Variants in PCDHAC1 observed in about 807,000 individuals in gnomAD.
PCDHAC1 encodes the protein protocadherin alpha subfamily C, 1, also known as protocadherin alpha-C1.
Under a neutral mutation model 60.0 loss-of-function variants are expected in PCDHAC1, and 42 were observed. The observed-to-expected ratio is 0.70, with a 90% CI of 0.55 to 0.90. The LOEUF (loss-of-function observed/expected upper bound fraction) is 0.90, where lower values mean the gene tolerates loss of function less well. Ranked by LOEUF, PCDHAC1 falls within the 40% of genes least tolerant of loss-of-function variation. The pLI is 0.00. For missense variants in PCDHAC1, 1,160 were observed against 1,222.3 expected, an observed-to-expected ratio of 0.95 and a Z score of 0.76; for synonymous variants, 468 against 499.3, an observed-to-expected ratio of 0.94 and a Z score of 0.84.
intron 3 of PCDHAC1, among the ~76,000 whole-genome samples, chr5:140,994,308 C>T (rs1402344988): frequency 6.6e-6 from 1 of 152,086 alleles, no homozygotes; most frequent in African/African-American, 2.4e-5. Flanking sequence ...TTTCACAGGG[C>T]CCAAACACTC....
chr5:140,968,652 ACCTGGACCT>A lies in PCDHAC1; in HGVS notation c.2434-10295_2434-10287del, dbSNP rs1332508740. The A allele has an allele frequency of 1.9e-6, 3 of 1,614,000 alleles. No homozygotes were observed. In the African/African-American group the frequency reaches 4.0e-5, roughly 22 times the overall value. On this transcript the variant is annotated intron_variant, in intron 1 of 3. Transcript: ENST00000253807. ...TTTTACCATCTAGCCCAGACTTCTGACCTGGACCTCTTTAAGGTAGAGCTGCACACAGGA... is the reference window on the plus strand; with the variant it reads ...TTTTACCATCTAGCCCAGACTTCTGACTTTAAGGTAGAGCTGCACACAGGA...
intron 1 of PCDHAC1, among the ~76,000 whole-genome samples, chr5:140,938,765 A>G (rs1554212377): frequency 6.6e-6 from 1 of 152,182 alleles, no homozygotes; most frequent in Non-Finnish European, 1.5e-5. Context: ...GTTATTGGGT[A>G]CTAGACTTAG....
Position 140,928,132 on chromosome 5 carries a change from C to T in PCDHAC1, c.1240C>T (p.Leu414=), listed in dbSNP as rs1563101702. ...DREQISEYQV[L]ITASDSGSPP... ...GGAGCAGATCAGTGAATACCAAGTC[C>T]TGATCACGGCCTCAGATAGTGGCTC... The change falls in exon 1 of 4, where the codon CTG becomes TTG. Residue 414 remains leucine (L), a synonymous_variant. Coordinates refer to ENST00000253807, the MANE Select transcript of PCDHAC1 (RefSeq NM_018898.5). The T allele has an allele frequency of 6.2e-7, 1 of 1,614,100 alleles. No individual in the cohort carries two copies. The highest frequency in any genetic ancestry group is 8.5e-7 in the Non-Finnish European group (1 of 1,180,046).
At chr5:140,940,285 T>C (rs2092587239) in intron 1 of PCDHAC1, among the ~76,000 whole-genome samples, 3 of 152,222 alleles carry the variant, frequency 2.0e-5, no homozygotes, top group Admixed American at 6.5e-5. Context: ...CTCATTGTGC[T>C]GCTTCATCAG....
intron 1 of PCDHAC1, chr5:140,968,491 T>C: frequency 6.2e-7 from 1 of 1,614,130 alleles, no homozygotes; most frequent in Non-Finnish European, 8.5e-7. Flanking sequence ...TGAATGACCA[T>C]GCCCCTCACA....
chr5:141,009,772 C>T lies in PCDHAC1; in HGVS notation c.2727C>T (p.Ile909=). The T allele has an allele frequency of 1.9e-6, 3 of 1,614,158 alleles. No individual in the cohort carries two copies. Among genetic ancestry groups the T allele is most frequent in the Non-Finnish European group, 2.5e-6 (3 of 1,180,032 alleles). The stretch of plus-strand genomic sequence containing the variant: ...TCATTATCCCAGGATCTCCTGCAAT[C>T]ATCTCCATCCGGCAGGAGCCTACTA... ...DKFIIPGSPA[I]ISIRQEPTNS... Residue 909 remains isoleucine (I), a synonymous_variant, in exon 4 of 4, where the codon ATC becomes ATT. Coordinates refer to ENST00000253807, the MANE Select transcript of PCDHAC1 (RefSeq NM_018898.5).
intron 3 of PCDHAC1, among the ~76,000 whole-genome samples, chr5:140,994,595 C>CT (rs1554254262): frequency 6.6e-6 from 1 of 151,984 alleles, no homozygotes; most frequent in East Asian, 1.9e-4. Context: ...GTCTCAGCTA[C>CT]TTGGGAGGCT....
At chr5:140,929,768 C>T (rs534287991) in intron 1 of PCDHAC1, 1 of 175,482 alleles carries the variant, frequency 5.7e-6, no homozygotes, top group South Asian at 2.0e-4. Context: ...ACGATAACCA[C>T]AAAAGATGTA....
chr5:140,934,534 GTTCTAA>G (rs1488792046), intron 1 of PCDHAC1, among the ~76,000 whole-genome samples: 7 of 152,064 alleles, frequency 4.6e-5, no homozygotes, highest in Non-Finnish European at 7.4e-5. Flanking sequence ...GAGAGCTACC[GTTCTAA>G]TTCTATCATT....
chr5:140,979,048 C>T, intron 2 of PCDHAC1, 41 bp downstream of exon 2: 2 of 1,611,774 alleles, frequency 1.2e-6, no homozygotes, highest in East Asian at 2.2e-5. Context: ...GTAACCTTAA[C>T]TTGGTATGGC....
At chr5:141,001,253 C>T (rs896546841) in intron 3 of PCDHAC1, among the ~76,000 whole-genome samples, 22 of 152,078 alleles carry the variant, frequency 1.4e-4, no homozygotes, top group African/African-American at 5.1e-4. Flanking sequence ...CCCTATGGGG[C>T]GGGCACTCTT....
At chr5:140,966,736 T>A in intron 1 of PCDHAC1, 1 of 1,418,140 alleles carries the variant, frequency 7.1e-7, no homozygotes, top group Non-Finnish European at 9.2e-7. Context: ...CCTCCGGCCC[T>A]GCCCGGCTGC....
intron 1 of PCDHAC1, among the ~76,000 whole-genome samples, chr5:140,961,529 T>C (rs1208334511): frequency 2.6e-5 from 4 of 152,244 alleles, no homozygotes; most frequent in Admixed American, 1.3e-4. Flanking sequence ...AAATTCTAGA[T>C]AGACTGTTCC....
intron 1 of PCDHAC1, among the ~76,000 whole-genome samples, chr5:140,944,030 A>G (rs1272534224): frequency 1.3e-5 from 2 of 152,214 alleles, no homozygotes; most frequent in East Asian, 1.9e-4. Context: ...TCTTCAAAAT[A>G]TGGAAAACCA....
At chr5:140,994,759 G>C (rs1193190612) in intron 3 of PCDHAC1, among the ~76,000 whole-genome samples, 3 of 152,130 alleles carry the variant, frequency 2.0e-5, no homozygotes, top group African/African-American at 7.2e-5. Flanking sequence ...ATGTGGAGAG[G>C]AAGAGAATTC....
Position 140,939,111 on chromosome 5 carries a change from T to G in PCDHAC1, c.2433+9786T>G, listed in dbSNP as rs141486595. Reference sequence around the variant, plus strand: ...CTTAAAAACAATAGAAATTTATTTTTCACAATTCTGGAAGCTGGAAAGTTG... The same window carrying G: ...CTTAAAAACAATAGAAATTTATTTTGCACAATTCTGGAAGCTGGAAAGTTG... On this transcript the variant is annotated intron_variant, in intron 1 of 3. Coordinates refer to ENST00000253807, the MANE Select transcript of PCDHAC1 (RefSeq NM_018898.5). Among the ~76,000 whole-genome samples, 62 of 152,324 alleles carry G rather than the reference T, an allele frequency of 4.1e-4. No homozygotes were observed. The East Asian group carries it at 0.01, about 25-fold the overall frequency.
At chr5:140,968,947 C>T (rs1342316299) in intron 1 of PCDHAC1, 6 of 1,614,042 alleles carry the variant, frequency 3.7e-6, no homozygotes, top group Non-Finnish European at 5.1e-6. Context: ...TCATTTTGAG[C>T]ATCATCAAGT....
intron 3 of PCDHAC1, among the ~76,000 whole-genome samples, chr5:141,005,923 G>A (rs1424300772): frequency 6.6e-6 from 1 of 151,914 alleles, no homozygotes; most frequent in East Asian, 1.9e-4. Context: ...CTTCAGCCTG[G>A]TTGACAGAGT....
chr5:140,940,666 A>G (rs1398290925), intron 1 of PCDHAC1, among the ~76,000 whole-genome samples: 1 of 152,176 alleles, frequency 6.6e-6, no homozygotes, highest in Non-Finnish European at 1.5e-5. Flanking sequence ...TTAAATCTTC[A>G]TCTGATAATT....
Sources: allele counts gnomAD v4.1 joint callset (sites outside exome capture counted in the v4.1 genomes callset), GRCh38; gene constraint gnomAD v4.1.1; transcripts MANE v1.5; gene names NCBI Gene and HGNC (gene_info 2026-07-23, HGNC 2026-07-21).